The following PLEKHA1 variants were observed in gnomAD, a reference collection of about 807,000 sequenced individuals.
The protein encoded by PLEKHA1 is pleckstrin homology domain containing A1, also known as pleckstrin homology domain-containing family A member 1.
Under a neutral mutation model 52.0 loss-of-function variants are expected in PLEKHA1, and 34 were observed. That is an observed-to-expected ratio of 0.65 (90% confidence interval 0.50 to 0.87). The LOEUF (loss-of-function observed/expected upper bound fraction) is 0.87. Ranked by LOEUF, PLEKHA1 falls within the 40% of genes least tolerant of loss-of-function variation. PLEKHA1 has a pLI of 0.00. For missense variants in PLEKHA1, 497 were observed against 504.2 expected, an observed-to-expected ratio of 0.99 and a Z score of 0.14; for synonymous variants, 163 against 170.7, an observed-to-expected ratio of 0.95 and a Z score of 0.35.
intron 10 of PLEKHA1, 35 bp from the exon 11 acceptor site, chr10:122,426,907 A>G: frequency 6.4e-7 from 1 of 1,555,914 alleles, no homozygotes; most frequent in Non-Finnish European, 8.9e-7. Flanking sequence ...TGATTTTGAG[A>G]AAAAATTGTT....
At chr10:122,380,360 G>A (rs2096597380) in intron 1 of PLEKHA1, among the ~76,000 whole-genome samples, 1 of 152,110 alleles carries the variant, frequency 6.6e-6, no homozygotes, top group Non-Finnish European at 1.5e-5. Context: ...ACAAGAATCA[G>A]GTAAATAAGT....
intron 4 of PLEKHA1, among the ~76,000 whole-genome samples, chr10:122,404,670 C>T (rs1244977548): frequency 6.6e-6 from 1 of 152,188 alleles, no homozygotes; most frequent in South Asian, 2.1e-4. Flanking sequence ...ATATTTATGG[C>T]AGTTATAACT....
At chr10:122,406,385 A>G (rs2134450288) in intron 4 of PLEKHA1, among the ~76,000 whole-genome samples, 191 bp from the exon 5 acceptor site, 1 of 152,338 alleles carries the variant, frequency 6.6e-6, no homozygotes, top group South Asian at 2.1e-4. Context: ...AATAAACAAA[A>G]TGGCCATAAC....
chr10:122,427,489 C>T (rs1377421489), intron 11 of PLEKHA1, among the ~76,000 whole-genome samples: 1 of 152,160 alleles, frequency 6.6e-6, no homozygotes, highest in African/African-American at 2.4e-5. Context: ...TTGGCTTAAC[C>T]ATGCCATCAG....
chr10:122,416,335 G>A (rs1590792993), intron 7 of PLEKHA1, among the ~76,000 whole-genome samples: 1 of 152,254 alleles, frequency 6.6e-6, no homozygotes, highest in Middle Eastern at 3.4e-3. Flanking sequence ...GCTGTTGTGG[G>A]GAGATGGCAG....
chr10:122,432,730 G>C (rs761774617), downstream of PLEKHA1: 2 of 152,142 alleles, frequency 1.3e-5, no homozygotes, highest in African/African-American at 2.4e-5. Context: ...CTTAATCTCC[G>C]GGTGGGCAGT....
At chr10:122,398,620 T>C (rs1012129785) in intron 3 of PLEKHA1, among the ~76,000 whole-genome samples, 19 of 143,196 alleles carry the variant, frequency 1.3e-4, no homozygotes, top group Admixed American at 8.6e-4. Flanking sequence ...TGTGTGTGTG[T>C]GCATGTGTGT....
intron 1 of PLEKHA1, among the ~76,000 whole-genome samples, chr10:122,380,588 G>A (rs912831645): frequency 6.6e-6 from 1 of 152,208 alleles, no homozygotes; most frequent in Non-Finnish European, 1.5e-5. Context: ...TGGGTATTGG[G>A]ATGGGGTAAC....
intron 5 of PLEKHA1, among the ~76,000 whole-genome samples, chr10:122,408,915 A>G (rs1002597509): frequency 3.9e-5 from 6 of 152,176 alleles, no homozygotes; most frequent in African/African-American, 1.4e-4. Flanking sequence ...GGTCAACTCT[A>G]ATTTAGTGGT....
chr10:122,402,695 T>C (rs2096947304), intron 4 of PLEKHA1, among the ~76,000 whole-genome samples: 1 of 152,214 alleles, frequency 6.6e-6, no homozygotes, highest in Non-Finnish European at 1.5e-5. Flanking sequence ...CTCTGTTCCC[T>C]ACCTCCAATC....
intron 1 of PLEKHA1, among the ~76,000 whole-genome samples, chr10:122,378,940 G>C (rs989544358): frequency 6.6e-6 from 1 of 151,970 alleles, no homozygotes; most frequent in Non-Finnish European, 1.5e-5. Context: ...CCCTCTTAAG[G>C]GATCTATTTG....
In PLEKHA1 at chr10:122,429,942, A is replaced by G. The variant is rs1329912404; in HGVS notation, c.*4A>G. ...CCTTCCGGTCAGTGACGTGTGAGGC[A>G]GAAGCGCACGGAGCCTGCCTGCCTC... On this transcript the variant is annotated 3_prime_UTR_variant, in exon 12 of 12. Transcript: ENST00000368990. 1 of 1,605,370 alleles carries G rather than the reference A, an allele frequency of 6.2e-7. No homozygotes were observed. The highest frequency in any genetic ancestry group is 1.3e-5 in the African/African-American group (1 of 74,662).
chr10:122,388,857 A>G (rs533082604), intron 1 of PLEKHA1, among the ~76,000 whole-genome samples: 1 of 151,744 alleles, frequency 6.6e-6, no homozygotes, highest in South Asian at 2.1e-4. Flanking sequence ...TTGCTCATCC[A>G]TAGAAGCAAC....
chr10:122,378,661 G>A (rs1375687925), intron 1 of PLEKHA1, among the ~76,000 whole-genome samples: 1 of 151,606 alleles, frequency 6.6e-6, no homozygotes, highest in African/African-American at 2.4e-5. Context: ...CCTTGAGCCT[G>A]GGAGGCAGAG....
intron 3 of PLEKHA1, among the ~76,000 whole-genome samples, chr10:122,399,673 C>T (rs2096900242): frequency 6.6e-6 from 1 of 152,116 alleles, no homozygotes; most frequent in African/African-American, 2.4e-5. Context: ...AGCTCCGTCC[C>T]CTGGGTTCAC....
chr10:122,382,245 A>G (rs921032849), intron 1 of PLEKHA1, among the ~76,000 whole-genome samples: 1 of 152,170 alleles, frequency 6.6e-6, no homozygotes, highest in Non-Finnish European at 1.5e-5. Flanking sequence ...ATCATCCCCA[A>G]AGAAACCCTG....
At chr10:122,382,655 A>G (rs1188983628) in intron 1 of PLEKHA1, among the ~76,000 whole-genome samples, 1 of 152,212 alleles carries the variant, frequency 6.6e-6, no homozygotes, top group Non-Finnish European at 1.5e-5. Context: ...TTACTGTCAT[A>G]TCTTCAGAAA....
At chr10:122,399,093 C>T (rs1294993522) in intron 3 of PLEKHA1, among the ~76,000 whole-genome samples, 1 of 152,066 alleles carries the variant, frequency 6.6e-6, no homozygotes, top group Non-Finnish European at 1.5e-5. Context: ...TTCATCTTGT[C>T]CTCCTGCTTC....
chr10:122,394,291 G>A (rs1377506361), intron 2 of PLEKHA1, among the ~76,000 whole-genome samples: 1 of 151,964 alleles, frequency 6.6e-6, no homozygotes, highest in Admixed American at 6.6e-5. Context: ...GGCCAGGCTG[G>A]TGTTGAACTC....
Sources: gnomAD v4.1 joint callset for allele counts (sites outside exome capture counted in the v4.1 genomes callset) on GRCh38, gnomAD v4.1.1 for gene constraint, MANE v1.5 for transcripts, NCBI Gene and HGNC (gene_info 2026-07-23, HGNC 2026-07-21) for gene names.